The following TRPC1 variants were observed in gnomAD, a reference collection of about 807,000 sequenced individuals.
TRPC1 encodes transient receptor potential cation channel subfamily C member 1, also known as short transient receptor potential channel 1.
Under a neutral mutation model 88.2 loss-of-function variants are expected in TRPC1, and 42 were observed. That is an observed-to-expected ratio of 0.48 (90% CI 0.37 to 0.62). TRPC1 has a LOEUF of 0.62. Ranked by LOEUF, TRPC1 falls within the 20% of genes least tolerant of loss-of-function variation. The probability of loss-of-function intolerance (pLI) is 0.00; values close to 1 mark genes in which losing one functional copy is unlikely to be tolerated. For synonymous variants in TRPC1, 288 were observed against 331.8 expected (o/e 0.87, Z 1.43); for missense variants, 699 against 957.3 (o/e 0.73, Z 3.56).
chr3:142,740,235 G>A (rs1477387420), intron 2 of TRPC1, among the ~76,000 whole-genome samples: 1 of 152,214 alleles, frequency 6.6e-6, no homozygotes, highest in African/African-American at 2.4e-5. Context: ...AAATTGAAAA[G>A]GAGTCCAGGA....
At chr3:142,764,034 G>T (rs1424404004) in intron 4 of TRPC1, among the ~76,000 whole-genome samples, 4 of 127,802 alleles carry the variant, frequency 3.1e-5, no homozygotes, top group African/African-American at 1.2e-4. Flanking sequence ...ATTTTAAAGA[G>T]ATGACACTTA....
rs1473259526 is a variant in TRPC1 at position 142,767,889 on chromosome 3, TA to T, written c.633-9742del. Among the ~76,000 whole-genome samples, 2 of 149,872 alleles carry T rather than the reference TA, an allele frequency of 1.3e-5. No individual in the cohort carries two copies. Among genetic ancestry groups the T allele is most frequent in the African/African-American group, 5.0e-5 (2 of 39,846 alleles). ...TTTTTAATTGGTTATCTGATTTTTT[TA>T]TTGATGAATTGTGTGTGTATGTTTT... On this transcript the variant is annotated intron_variant, in intron 4 of 12. Transcript: ENST00000476941. This position sits in a 1 kb window ranked among gnomAD's most constrained non-coding sequence, Gnocchi z 5.1.
chr3:142,797,047 TCAC>T (rs1936474729), intron 9 of TRPC1, among the ~76,000 whole-genome samples: 1 of 151,126 alleles, frequency 6.6e-6, no homozygotes, highest in Non-Finnish European at 1.5e-5. Context: ...CTGTAAAACA[TCAC>T]CACCTTTTCT....
intron 1 of TRPC1, among the ~76,000 whole-genome samples, chr3:142,731,884 A>C (rs943202481): frequency 6.6e-6 from 1 of 152,164 alleles, no homozygotes; most frequent in African/African-American, 2.4e-5. Context: ...AAAGTCTATA[A>C]AATTCAAATT....
chr3:142,741,959 T>TA (rs1221388886), intron 2 of TRPC1, among the ~76,000 whole-genome samples: 1 of 152,080 alleles, frequency 6.6e-6, no homozygotes, highest in African/African-American at 2.4e-5. Flanking sequence ...GGTTGGGAGT[T>TA]AGAGACCAGC....
At chr3:142,789,961 C>T (rs955704290) in intron 7 of TRPC1, among the ~76,000 whole-genome samples, 9 of 151,914 alleles carry the variant, frequency 5.9e-5, no homozygotes, top group Non-Finnish European at 1.2e-4. Context: ...AATAATAGAC[C>T]TAATAAGTAA....
chr3:142,804,041 G>C lies in TRPC1; in HGVS notation c.1822G>C (p.Val608Leu), dbSNP rs1050873875. Residue 608 changes from valine to leucine, a missense_variant, in exon 11 of 13, where the codon GTC (valine) becomes CTC (leucine). Physicochemically the swap from Val to Leu is conservative, Grantham distance 32 (BLOSUM62 1). This residue lies in a region of TRPC1 where 426 missense variants were observed against 641.3 expected (regional missense o/e 0.66). Transcript: ENST00000476941. The stretch of plus-strand genomic sequence containing the variant: ...CTCCTTAGCGCATGTGGCAATCTTT[G>C]TCACAAGATTTAGCTATGGAGAAGA... ...IFSLAHVAIF[V>L]TRFSYGEELQ... 4 of 1,613,614 alleles carry C rather than the reference G, an allele frequency of 2.5e-6. No homozygotes were observed. Among genetic ancestry groups the C allele is most frequent in the African/African-American group, 2.7e-5 (2 of 74,878 alleles).
intron 4 of TRPC1, among the ~76,000 whole-genome samples, chr3:142,774,134 T>C (rs193126997): frequency 1.3e-5 from 2 of 152,308 alleles, no homozygotes; most frequent in Admixed American, 1.3e-4. Context: ...CTAATGCACC[T>C]TCAGCCCATA....
At chr3:142,795,181 G>T (rs978879206) in intron 9 of TRPC1, among the ~76,000 whole-genome samples, 4 of 151,936 alleles carry the variant, frequency 2.6e-5, no homozygotes, top group African/African-American at 4.8e-5. Flanking sequence ...GGAGAAGAAA[G>T]AATTTTTAAA....
intron 2 of TRPC1, among the ~76,000 whole-genome samples, chr3:142,741,038 G>A (rs1052848537): frequency 6.6e-6 from 1 of 151,796 alleles, no homozygotes; most frequent in African/African-American, 2.4e-5. Flanking sequence ...AAAGAGTATG[G>A]GAATTGTTGA....
At chr3:142,778,982 T>C (rs1198458473) in intron 5 of TRPC1, among the ~76,000 whole-genome samples, 2 of 152,238 alleles carry the variant, frequency 1.3e-5, no homozygotes, top group Non-Finnish European at 2.9e-5. Flanking sequence ...GTTGCTACTT[T>C]TAACTTTATT....
chr3:142,732,688 T>A (rs1452769286), intron 1 of TRPC1, among the ~76,000 whole-genome samples: 1 of 152,204 alleles, frequency 6.6e-6, no homozygotes. Context: ...TGATTGAAAA[T>A]GGTTTCTTTT....
chr3:142,755,429 A>C (rs898989919), intron 4 of TRPC1, among the ~76,000 whole-genome samples: 1 of 152,216 alleles, frequency 6.6e-6, no homozygotes. Context: ...CCATCTAAAA[A>C]AGAAAGAAAG....
chr3:142,748,911 TC>T (rs1934651624), intron 4 of TRPC1, among the ~76,000 whole-genome samples: 1 of 152,210 alleles, frequency 6.6e-6, no homozygotes, highest in South Asian at 2.1e-4. Context: ...GATCATCTCT[TC>T]CTGTTTCTTC....
intron 2 of TRPC1, among the ~76,000 whole-genome samples, chr3:142,743,221 T>G (rs1269208167): frequency 1.3e-5 from 2 of 152,104 alleles, no homozygotes; most frequent in African/African-American, 4.8e-5. Context: ...GCACTGTTAC[T>G]CTAATAATCC....
intron 1 of TRPC1, among the ~76,000 whole-genome samples, chr3:142,733,441 G>A (rs1454467442): frequency 2.6e-5 from 4 of 152,152 alleles, no homozygotes; most frequent in Non-Finnish European, 5.9e-5. Context: ...GAACCCAGGA[G>A]GCAGAGGTTG....
chr3:142,803,236 C>T (rs1030773220), intron 10 of TRPC1, among the ~76,000 whole-genome samples: 2 of 152,124 alleles, frequency 1.3e-5, no homozygotes, highest in African/African-American at 4.8e-5. Flanking sequence ...AGATGACATT[C>T]ATGTGAGGAT....
rs1933940204 is a variant in TRPC1, at chr3:142,732,005, A to G, written c.173-4374A>G. Among the ~76,000 whole-genome samples the G allele has an allele frequency of 2.6e-5, 4 of 152,170 alleles. No homozygotes were observed. The South Asian group carries it at 8.3e-4, about 32-fold the overall frequency. The stretch of plus-strand genomic sequence containing the variant: ...GCAGAGTTGAGTAGCTGTGACTGAG[A>G]GTGCATGGCCCACAAAGCTTAAAAT... On this transcript the variant is annotated intron_variant, in intron 1 of 12. Transcript: ENST00000476941.
chr3:142,784,177 T>C (rs1412118977), intron 6 of TRPC1, among the ~76,000 whole-genome samples: 1 of 152,130 alleles, frequency 6.6e-6, no homozygotes, highest in Non-Finnish European at 1.5e-5. Flanking sequence ...ATCAATAGTT[T>C]CTCTAGACTG....
Sources: gnomAD v4.1 joint callset for allele counts (sites outside exome capture counted in the v4.1 genomes callset) on GRCh38, gnomAD v4.1.1 for gene constraint, gnomAD v4.1.1 regional missense constraint, Gnocchi (gnomAD v3.1) non-coding constraint, MANE v1.5 for transcripts, NCBI Gene and HGNC (gene_info 2026-07-23, HGNC 2026-07-21) for gene names.